Variants in ZMAT4 observed in about 807,000 individuals in gnomAD.
The protein encoded by ZMAT4 is zinc finger matrin-type 4, also known as zinc finger matrin-type protein 4.
ZMAT4 carries 17 observed loss-of-function variants against 28.7 expected under a neutral mutation model. The observed-to-expected ratio is 0.59, with a 90% confidence interval of 0.41 to 0.89. The LOEUF (loss-of-function observed/expected upper bound fraction) is 0.89, where lower values mean the gene tolerates loss of function less well. Ranked by LOEUF, ZMAT4 falls within the 40% of genes least tolerant of loss-of-function variation. The pLI, the probability that ZMAT4 is intolerant of heterozygous loss-of-function variation, is 0.00. For missense variants in ZMAT4, 240 were observed against 283.8 expected (o/e 0.85, Z 1.11); for synonymous variants, 117 against 109.2 (o/e 1.07, Z -0.44).
chr8:40,553,525 G>T (rs1351857277), intron 6 of ZMAT4, among the ~76,000 whole-genome samples: 1 of 152,156 alleles, frequency 6.6e-6, no homozygotes, highest in Non-Finnish European at 1.5e-5. Flanking sequence ...GTCATCCCAG[G>T]ATAGGAATGT....
At chr8:40,837,488 G>A (rs1021338729) in intron 1 of ZMAT4, among the ~76,000 whole-genome samples, 1 of 152,196 alleles carries the variant, frequency 6.6e-6, no homozygotes, top group Non-Finnish European at 1.5e-5. Context: ...ACTTGAACCT[G>A]AGTCACTTGG....
intron 5 of ZMAT4, among the ~76,000 whole-genome samples, chr8:40,623,141 T>G (rs1368100947): frequency 1.3e-5 from 2 of 152,086 alleles, no homozygotes; most frequent in African/African-American, 2.4e-5. Flanking sequence ...TGCAAAGCAC[T>G]GAGCAAAATG....
intron 6 of ZMAT4, among the ~76,000 whole-genome samples, chr8:40,560,113 G>A (rs1211382890): frequency 6.6e-6 from 1 of 151,768 alleles, no homozygotes; most frequent in African/African-American, 2.4e-5. Context: ...CAATACCTGT[G>A]CCTCTAATAC....
chr8:40,738,314 G>T (rs1180852747), intron 3 of ZMAT4, among the ~76,000 whole-genome samples: 1 of 152,080 alleles, frequency 6.6e-6, no homozygotes. Flanking sequence ...CTGGAGACAC[G>T]CCTTGAACAA....
At chr8:40,847,185 T>G in intron 1 of ZMAT4, among the ~76,000 whole-genome samples, 1 of 135,658 alleles carries the variant, frequency 7.4e-6, no homozygotes, top group African/African-American at 2.8e-5. Flanking sequence ...GCCTGGGCAA[T>G]AGAGAAAGAT....
At chr8:40,612,115 C>A (rs1339988612) in intron 5 of ZMAT4, among the ~76,000 whole-genome samples, 2 of 152,138 alleles carry the variant, frequency 1.3e-5, no homozygotes, top group Non-Finnish European at 2.9e-5. Context: ...GAAGATAATA[C>A]CTTTCACTTC....
intron 2 of ZMAT4, chr8:40,786,874 T>C (rs1418686090): frequency 6.6e-6 from 3 of 451,664 alleles, no homozygotes; most frequent in African/African-American, 6.2e-5. Flanking sequence ...AAAGAGTAAC[T>C]AGAATGTAAT....
At chr8:40,709,987 G>A (rs1360210900) in intron 3 of ZMAT4, among the ~76,000 whole-genome samples, 8 of 148,588 alleles carry the variant, frequency 5.4e-5, no homozygotes, top group Non-Finnish European at 1.2e-4. Context: ...GCAGTGAGCC[G>A]AGATCGTGCC....
At chr8:40,699,706 T>A (rs1350165009) in intron 3 of ZMAT4, among the ~76,000 whole-genome samples, 1 of 152,046 alleles carries the variant, frequency 6.6e-6, no homozygotes, top group Non-Finnish European at 1.5e-5. Context: ...TGAAAGTGAG[T>A]GTTTGAATTA....
intron 5 of ZMAT4, among the ~76,000 whole-genome samples, chr8:40,649,138 TAAAG>T (rs201550107): frequency 0.54 from 81,683 of 150,032 alleles, 22,939 homozygotes; most frequent in East Asian, 0.68. Context: ...GCAAATTGGA[TAAAG>T]AGTCAAGACC....
At chr8:40,674,629 A>G (rs1202009311) in intron 5 of ZMAT4, 75 bp downstream of exon 5, 2 of 1,206,000 alleles carry the variant, frequency 1.7e-6, no homozygotes, top group Non-Finnish European at 2.4e-6. Context: ...AAGAAGAATC[A>G]TTCCGATTTG....
At chr8:40,890,068 G>A (rs1362743330) in intron 1 of ZMAT4, among the ~76,000 whole-genome samples, 1 of 152,092 alleles carries the variant, frequency 6.6e-6, no homozygotes, top group Non-Finnish European at 1.5e-5. Flanking sequence ...TCACATTTTT[G>A]TTATTAGTGA....
chr8:40,565,309 C>T (rs1393593145), intron 6 of ZMAT4, among the ~76,000 whole-genome samples: 1 of 151,248 alleles, frequency 6.6e-6, no homozygotes, highest in African/African-American at 2.4e-5. Flanking sequence ...TTGGGTAAGT[C>T]CTTAGAAGTC....
At position 40,857,660 on chromosome 8, in the gene ZMAT4, A is replaced by G. The variant is rs944164028; in HGVS notation, c.-4-31980T>C. ...TATATATCTACCCTATCACTCAAGGATTTCACTTCTAGAAGTTTATCCAAG... is the reference window on the plus strand; with the variant it reads ...TATATATCTACCCTATCACTCAAGGGTTTCACTTCTAGAAGTTTATCCAAG... On this transcript the variant is annotated intron_variant, in intron 1 of 6. Coordinates refer to ENST00000297737, the MANE Select transcript of ZMAT4 (RefSeq NM_024645.3). 2.6e-5 allele frequency among the ~76,000 whole-genome samples: 4 copies of G among 152,210 alleles called. No homozygotes were observed. In the East Asian group the frequency reaches 7.7e-4, roughly 29 times the overall value.
At chr8:40,647,157 G>A (rs551782525) in intron 5 of ZMAT4, among the ~76,000 whole-genome samples, 2 of 152,284 alleles carry the variant, frequency 1.3e-5, no homozygotes, top group South Asian at 2.1e-4. Context: ...ATTTCCATCC[G>A]AGGTACCAGG....
chr8:40,556,714 A>T (rs1803551072), intron 6 of ZMAT4, among the ~76,000 whole-genome samples: 1 of 152,184 alleles, frequency 6.6e-6, no homozygotes, highest in Admixed American at 6.5e-5. Context: ...GATACAAAAT[A>T]TTTTACGTAT....
intron 5 of ZMAT4, among the ~76,000 whole-genome samples, chr8:40,588,835 A>C (rs2118570044): frequency 6.6e-6 from 1 of 152,318 alleles, no homozygotes; most frequent in South Asian, 2.1e-4. Flanking sequence ...GATTTTTACA[A>C]GAATGTTTCT....
chr8:40,876,077 T>A (rs954394369), intron 1 of ZMAT4, among the ~76,000 whole-genome samples: 9 of 152,132 alleles, frequency 5.9e-5, no homozygotes, highest in African/African-American at 2.2e-4. Flanking sequence ...TAATGTGAAT[T>A]GTGGAACTCA....
At chr8:40,613,676 C>T (rs1049625727) in intron 5 of ZMAT4, among the ~76,000 whole-genome samples, 30 of 152,134 alleles carry the variant, frequency 2.0e-4, no homozygotes, top group African/African-American at 6.8e-4. Context: ...AGCTAGCCTG[C>T]TTCATGGACT....
Sources: allele counts gnomAD v4.1 joint callset (sites outside exome capture counted in the v4.1 genomes callset), GRCh38; gene constraint gnomAD v4.1.1; transcripts MANE v1.5; gene names NCBI Gene and HGNC (gene_info 2026-07-23, HGNC 2026-07-21).